The following SH3BP4 variants were observed in gnomAD, a reference collection of about 807,000 sequenced individuals.
SH3BP4 encodes SH3 domain-binding protein 4.
Under a neutral mutation model 65.5 loss-of-function variants are expected in SH3BP4, and 33 were observed. The ratio of observed to expected loss-of-function variants is 0.50; its 90% CI spans 0.38 to 0.67. The LOEUF (loss-of-function observed/expected upper bound fraction) is 0.67. Among genes scored for constraint, SH3BP4 ranks in the 30% least tolerant of loss-of-function variants. SH3BP4 has a pLI of 0.00. For missense variants in SH3BP4, 1,134 were observed against 1,261.4 expected (o/e 0.90, Z 1.53); for synonymous variants, 552 against 545.5 (o/e 1.01, Z -0.17).
In SH3BP4 at chr2:235,030,522, C is replaced by T. The variant is rs190177779; in HGVS notation, c.-132-4349C>T. On this transcript the variant is annotated intron_variant, in intron 2 of 5. Coordinates refer to ENST00000392011, the MANE Select transcript of SH3BP4 (RefSeq NM_014521.3). This position sits in a 1 kb window ranked among gnomAD's most constrained non-coding sequence, Gnocchi z 4.1. ...GAGGACACATAACCGTCAGCGTCCACGTCTGTTGTTAGATGCCGTTAGAAT... is the reference window on the plus strand; with the variant it reads ...GAGGACACATAACCGTCAGCGTCCATGTCTGTTGTTAGATGCCGTTAGAAT... 8.1e-4 allele frequency among the ~76,000 whole-genome samples: 123 copies of T among 152,188 alleles called. No individual in the cohort carries two copies. Among genetic ancestry groups the T allele is most frequent in the Admixed American group, 2.6e-3 (39 of 15,288 alleles).
rs142685789 is a variant in SH3BP4 at position 235,020,366 on chromosome 2, G to T, written c.-132-14505G>T. ...ACAAAAATTAGCCAGGCGTGGTGGC[G>T]CGTGCCTGTAATCCCATCTACTCAG... On this transcript the variant is annotated intron_variant, in intron 2 of 5. Coordinates refer to ENST00000392011, the MANE Select transcript of SH3BP4 (RefSeq NM_014521.3). Among the ~76,000 whole-genome samples the T allele has an allele frequency of 1.1e-3, 160 of 152,196 alleles. 1 individual carries two copies. Among genetic ancestry groups the T allele is most frequent in the Middle Eastern group, 0.01 (3 of 294 alleles).
At chr2:235,051,454 G>T (rs1696051250) in intron 4 of SH3BP4, among the ~76,000 whole-genome samples, 1 of 152,224 alleles carries the variant, frequency 6.6e-6, no homozygotes, top group African/African-American at 2.4e-5. Flanking sequence ...CCACGTGGTT[G>T]TTCCAGCCTC....
rs1250993919 is a variant in SH3BP4 at position 235,042,246 on chromosome 2, A to G, written c.1477A>G (p.Thr493Ala). Residue 493 changes from threonine (T) to alanine (A), a missense_variant, in exon 4 of 6, where the codon ACC becomes GCC. Transcript: ENST00000392011. The surrounding 1 kb of genome is among the most constrained non-coding windows in gnomAD (Gnocchi z 7.3). ...CCACCCATCCTTCAAGACGGTAGTG[A>G]CCATTTTTGGGCATGACTGTGCCCC... ...HIHPSFKTVVTIFGHDCAPKT... is the reference protein window; with the variant it reads ...HIHPSFKTVVAIFGHDCAPKT... 6.2e-7 allele frequency: 1 copy of G among 1,613,992 alleles called. No homozygotes were observed. The highest frequency in any genetic ancestry group is 2.2e-5 in the East Asian group (1 of 44,858).
Position 235,046,750 on chromosome 2 carries a change from GATGAATGA to G in SH3BP4, c.2478+3519_2478+3526del, listed in dbSNP as rs59781959. Among the ~76,000 whole-genome samples the G allele has an allele frequency of 1.2e-3, 184 of 151,570 alleles. No individual in the cohort carries two copies. Among genetic ancestry groups the G allele is most frequent in the Non-Finnish European group, 1.9e-3 (131 of 67,982 alleles). On this transcript the variant is annotated intron_variant, in intron 4 of 5. Coordinates refer to ENST00000392011, the MANE Select transcript of SH3BP4 (RefSeq NM_014521.3). The surrounding 1 kb of genome is among the most constrained non-coding windows in gnomAD (Gnocchi z 4.2). ...ATGAATGATGGATGAATGAATGAAT[GATGAATGA>G]ATGAATGAATGAATGCAGGCCTTGG...
chr2:235,043,356 G>T lies in SH3BP4; in HGVS notation c.2478+109G>T, dbSNP rs1331807467. 73 of 785,190 alleles carry T rather than the reference G, an allele frequency of 9.3e-5. No homozygotes were observed. In the East Asian group the frequency reaches 1.7e-3, roughly 18 times the overall value. The allele number at this position is 785,190 out of a possible 1,614,324, so 48.6% of individuals were successfully genotyped here. Reference sequence around the variant, plus strand: ...CGTGGTGTCGTAAGTCACCAGGACAGTGTCTGTGGCTGATGTCCCGCTGCC... The same window carrying T: ...CGTGGTGTCGTAAGTCACCAGGACATTGTCTGTGGCTGATGTCCCGCTGCC... On this transcript the variant is annotated intron_variant, in intron 4 of 5. Coordinates refer to ENST00000392011, the MANE Select transcript of SH3BP4 (RefSeq NM_014521.3).
chr2:235,036,740 A>AATAATAATAATT (rs1553567013), intron 3 of SH3BP4, among the ~76,000 whole-genome samples: 1 of 141,740 alleles, frequency 7.1e-6, no homozygotes, highest in African/African-American at 2.7e-5. Flanking sequence ...TCTATATAAA[A>AATAATAATAATT]AATAATAATA....
Position 234,981,354 on chromosome 2 carries a change from CT to C in SH3BP4, c.-206-13946del, listed in dbSNP as rs1693377129. ...TGGCTCCCCCTCTAGTCTGGGAGTG[CT>C]TTCCTGTTCAGATAGCTCATTCCAA... On this transcript the variant is annotated intron_variant, in intron 1 of 5. Transcript: ENST00000392011. Among the ~76,000 whole-genome samples the C allele has an allele frequency of 2.6e-5, 4 of 152,122 alleles. No homozygotes were observed. The South Asian group carries it at 8.3e-4, about 31-fold the overall frequency.
chr2:235,023,931 A>T (rs1409605487), intron 2 of SH3BP4, among the ~76,000 whole-genome samples: 1 of 152,144 alleles, frequency 6.6e-6, no homozygotes, highest in Admixed American at 6.5e-5. Flanking sequence ...CAAGCACTTT[A>T]TCTACGTCTT....
chr2:235,012,429 C>T (rs1694539739), intron 2 of SH3BP4, among the ~76,000 whole-genome samples: 2 of 152,236 alleles, frequency 1.3e-5, no homozygotes, highest in South Asian at 4.1e-4. Context: ...CCTGAGTTGT[C>T]TGCCAAGTTT....
rs1377290409 is a variant in SH3BP4 at position 235,043,255 on chromosome 2, C to A, written c.2478+8C>A. ...CAGAAGGAGCTTGTGATGGTGAGTG[C>A]TCAGCAGGTGCCTGGGCGTTCAGGG... On this transcript the variant is annotated splice_region_variant and intron_variant, in intron 4 of 5. Coordinates refer to ENST00000392011, the MANE Select transcript of SH3BP4 (RefSeq NM_014521.3). The A allele has an allele frequency of 6.4e-7, 1 of 1,552,980 alleles. No homozygotes were observed. Among genetic ancestry groups the A allele is most frequent in the Non-Finnish European group, 8.7e-7 (1 of 1,146,498 alleles).
At chr2:235,022,441 T>C (rs1023990461) in intron 2 of SH3BP4, among the ~76,000 whole-genome samples, 4 of 151,860 alleles carry the variant, frequency 2.6e-5, no homozygotes, top group Non-Finnish European at 5.9e-5. Flanking sequence ...TGGTCCCAGC[T>C]ACTAGGGAGG....
At chr2:235,004,246 C>T (rs1694222532) in intron 2 of SH3BP4, among the ~76,000 whole-genome samples, 1 of 152,156 alleles carries the variant, frequency 6.6e-6, no homozygotes, top group African/African-American at 2.4e-5. Context: ...ATATTTTAGC[C>T]TCAGATGGGT....
Position 235,046,822 on chromosome 2 carries a change from G to A in SH3BP4, c.2478+3575G>A, listed in dbSNP as rs1284007608. On this transcript the variant is annotated intron_variant, in intron 4 of 5. Coordinates refer to ENST00000392011, the MANE Select transcript of SH3BP4 (RefSeq NM_014521.3). The surrounding 1 kb of genome is among the most constrained non-coding windows in gnomAD (Gnocchi z 4.2). ...TCCAAGCGGGAGGCATTCTCACGTG[G>A]CCATACCATGCTTCTGTTCTGTGGT... Among the ~76,000 whole-genome samples, 1 of 152,144 alleles carries A rather than the reference G, an allele frequency of 6.6e-6. No individual in the cohort carries two copies. Among genetic ancestry groups the A allele is most frequent in the Non-Finnish European group, 1.5e-5 (1 of 68,024 alleles).
rs185774646 is a variant in SH3BP4 at position 234,961,175 on chromosome 2, C to T, written c.-207+9005C>T. On this transcript the variant is annotated intron_variant, in intron 1 of 5. Coordinates refer to ENST00000392011, the MANE Select transcript of SH3BP4 (RefSeq NM_014521.3). ...CTCTAAAATGATGACCATCGTACTT[C>T]GCTCCTGGAGTTGGGCAGTTTAAAT... Among the ~76,000 whole-genome samples the T allele has an allele frequency of 2.0e-5, 3 of 152,220 alleles. No homozygotes were observed. The South Asian group carries it at 6.2e-4, about 32-fold the overall frequency.
chr2:235,002,209 T>A (rs1694124662), intron 2 of SH3BP4, among the ~76,000 whole-genome samples: 1 of 152,204 alleles, frequency 6.6e-6, no homozygotes, highest in Admixed American at 6.5e-5. Flanking sequence ...TCGTCAGATT[T>A]GGCGAAGAGG....
At chr2:234,975,913 G>A (rs1693153034) in intron 1 of SH3BP4, among the ~76,000 whole-genome samples, 1 of 152,226 alleles carries the variant, frequency 6.6e-6, no homozygotes, top group African/African-American at 2.4e-5. Flanking sequence ...GTTTGACCAG[G>A]AACATTCAAC....
At position 234,997,249 on chromosome 2, in the gene SH3BP4, T is replaced by G. The variant is rs1693953155; in HGVS notation, c.-133+1873T>G. Among the ~76,000 whole-genome samples the G allele has an allele frequency of 1.3e-5, 2 of 152,196 alleles. No homozygotes were observed. Among genetic ancestry groups the G allele is most frequent in the Admixed American group, 1.3e-4 (2 of 15,290 alleles). On this transcript the variant is annotated intron_variant, in intron 2 of 5. Coordinates refer to ENST00000392011, the MANE Select transcript of SH3BP4 (RefSeq NM_014521.3). The surrounding 1 kb of genome is among the most constrained non-coding windows in gnomAD (Gnocchi z 4.2). ...TGCCTTGTTTTCCCAGAGGCATACATGTAGTGTTTTCTTGGTGCCTCTGAA... is the reference window on the plus strand; with the variant it reads ...TGCCTTGTTTTCCCAGAGGCATACAGGTAGTGTTTTCTTGGTGCCTCTGAA...
chr2:234,976,704 C>T lies in SH3BP4; in HGVS notation c.-206-18599C>T, dbSNP rs1693177061. ...ATTGTGTGGCAAGAAGGACACCTGCCTCTGGTCTTCCTCTCAGTAACACAC... is the reference window on the plus strand; with the variant it reads ...ATTGTGTGGCAAGAAGGACACCTGCTTCTGGTCTTCCTCTCAGTAACACAC... On this transcript the variant is annotated intron_variant, in intron 1 of 5. Coordinates refer to ENST00000392011, the MANE Select transcript of SH3BP4 (RefSeq NM_014521.3). The surrounding 1 kb of genome is among the most constrained non-coding windows in gnomAD (Gnocchi z 4.7). Among the ~76,000 whole-genome samples, 1 of 151,960 alleles carries T rather than the reference C, an allele frequency of 6.6e-6. No individual in the cohort carries two copies. The highest frequency in any genetic ancestry group is 2.1e-4 in the South Asian group (1 of 4,822).
intron 1 of SH3BP4, among the ~76,000 whole-genome samples, chr2:234,963,960 G>A (rs1406131834): frequency 1.3e-5 from 2 of 152,158 alleles, no homozygotes; most frequent in African/African-American, 2.4e-5. Flanking sequence ...TCTTGACTGC[G>A]GTCTGGTGTC....
Sources: allele counts gnomAD v4.1 joint callset (sites outside exome capture counted in the v4.1 genomes callset), GRCh38; gene constraint gnomAD v4.1.1; non-coding constraint Gnocchi (gnomAD v3.1); transcripts MANE v1.5; gene names NCBI Gene and HGNC (gene_info 2026-07-23, HGNC 2026-07-21).